FANCM: variants seen among roughly 807,000 people sequenced by gnomAD.
FANCM encodes the protein Fanconi anemia group M protein.
In FANCM, 140 loss-of-function variants were observed where a neutral mutation model predicts 199.5. The observed-to-expected ratio is 0.70, with a 90% confidence interval of 0.61 to 0.81. The LOEUF (loss-of-function observed/expected upper bound fraction) is 0.81, where lower values mean the gene tolerates loss of function less well. Among genes scored for constraint, FANCM ranks in the 30% least tolerant of loss-of-function variants. The pLI is 0.00. For synonymous variants in FANCM, 840 were observed against 836.8 expected (o/e 1.00, Z -0.07); for missense variants, 2,410 against 2,421.4 (o/e 1.00, Z 0.10).
chr14:45,165,470 C>T (rs1183541753), intron 10 of FANCM, among the ~76,000 whole-genome samples: 2 of 152,116 alleles, frequency 1.3e-5, no homozygotes, highest in Non-Finnish European at 2.9e-5. Flanking sequence ...ATCGCTTGAA[C>T]CTGGGAGGTA....
At chr14:45,158,009 C>T (rs894411813) in intron 8 of FANCM, among the ~76,000 whole-genome samples, 2 of 152,006 alleles carry the variant, frequency 1.3e-5, no homozygotes, top group African/African-American at 4.8e-5. Context: ...CCAGCCTTGG[C>T]AACATGGCAA....
intron 12 of FANCM, among the ~76,000 whole-genome samples, chr14:45,171,157 A>G (rs955965062): frequency 2.0e-5 from 3 of 148,956 alleles, no homozygotes; most frequent in Non-Finnish European, 4.4e-5. Flanking sequence ...TTTTTTTAAG[A>G]GATGAGGTCT....
At chr14:45,137,863 G>T (rs1331779413) in intron 2 of FANCM, 1 of 154,184 alleles carries the variant, frequency 6.5e-6, no homozygotes, top group Non-Finnish European at 1.4e-5. Flanking sequence ...GGCCATAGGG[G>T]ATAAAGGTGG....
intron 11 of FANCM, 53 bp downstream of exon 11, chr14:45,167,216 A>T (rs1165790961): frequency 1.0e-6 from 1 of 990,776 alleles, no homozygotes; most frequent in African/African-American, 1.6e-5. Flanking sequence ...CTTACTTAGC[A>T]GGTCGTATCT....
chr14:45,171,385 G>A (rs1438989756), intron 12 of FANCM, among the ~76,000 whole-genome samples: 4 of 151,782 alleles, frequency 2.6e-5, no homozygotes, highest in Non-Finnish European at 1.5e-5. Context: ...ACATGGATAA[G>A]TTCTTAGTGG....
At chr14:45,146,144 G>GGCA (rs201934065) in intron 3 of FANCM, among the ~76,000 whole-genome samples, 13,305 of 150,856 alleles carry the variant, frequency 0.088, 681 homozygotes, top group South Asian at 0.18. Flanking sequence ...GGGAGGCTGA[G>GGCA]GCAGGAGAAT....
intron 6 of FANCM, among the ~76,000 whole-genome samples, 181 bp from the exon 7 acceptor site, chr14:45,154,516 G>A (rs962351658): frequency 4.7e-4 from 71 of 151,838 alleles, no homozygotes; most frequent in African/African-American, 1.7e-3. Context: ...ATAAATTCCT[G>A]GAGAAAAGGA....
chr14:45,176,212 A>G lies in FANCM; in HGVS notation c.3458A>G (p.Asn1153Ser), dbSNP rs1400140293. ...EFDDVSLSPL[N>S]SKSESLPVSD... The stretch of plus-strand genomic sequence containing the variant: ...GACGATGTGAGTCTTTCACCCTTGA[A>G]CAGTAAAAGCGAATCTTTACCTGTG... The change falls in exon 14 of 23, where the codon AAC (asparagine) becomes AGC (serine). Residue 1153 changes from asparagine (N) to serine (S), a missense_variant. Physicochemically the swap from Asn to Ser is conservative, Grantham distance 46. Transcript: ENST00000267430. The G allele has an allele frequency of 1.2e-6, 2 of 1,614,006 alleles. No individual in the cohort carries two copies. The highest frequency in any genetic ancestry group is 2.7e-5 in the African/African-American group (2 of 74,936).
chr14:45,150,698 A>G (rs1162442057), intron 4 of FANCM, among the ~76,000 whole-genome samples: 1 of 152,212 alleles, frequency 6.6e-6, no homozygotes, highest in Non-Finnish European at 1.5e-5. Flanking sequence ...ACCTTATTTA[A>G]TAATGATCCC....
In FANCM at chr14:45,136,478, G is replaced by C; in HGVS notation, c.447G>C (p.Gln149His). 6.2e-7 allele frequency: 1 copy of C among 1,614,112 alleles called. No homozygotes were observed. The highest frequency in any genetic ancestry group is 8.5e-7 in the Non-Finnish European group (1 of 1,180,014). The stretch of plus-strand genomic sequence containing the variant: ...CCCCAACGAAACCCTTGGTGACACA[G>C]CAGATCGAGGCTTGCTACCAGGTGA... The part of the protein sequence containing the change: ...FMAPTKPLVT[Q>H]QIEACYQVMG... Residue 149 changes from glutamine (Q) to histidine (H), a missense_variant, in exon 1 of 23, where the codon CAG becomes CAC. By Grantham distance (24) the Gln-to-His change is conservative (BLOSUM62 0). Coordinates refer to ENST00000267430, the MANE Select transcript of FANCM (RefSeq NM_020937.4).
At chr14:45,154,408 A>G (rs1336032159) in intron 6 of FANCM, among the ~76,000 whole-genome samples, 1 of 151,974 alleles carries the variant, frequency 6.6e-6, no homozygotes, top group Non-Finnish European at 1.5e-5. Flanking sequence ...TAAAAAAAAA[A>G]AAAAAAAAGA....
intron 5 of FANCM, among the ~76,000 whole-genome samples, chr14:45,152,939 A>G (rs1440287624): frequency 3.3e-5 from 5 of 152,198 alleles, no homozygotes; most frequent in Non-Finnish European, 5.9e-5. Flanking sequence ...AGGAAATAGT[A>G]AATCTAAACC....
intron 5 of FANCM, among the ~76,000 whole-genome samples, chr14:45,152,303 A>G (rs142820201): frequency 1.7e-3 from 256 of 152,220 alleles, no homozygotes; most frequent in Middle Eastern, 6.8e-3. Flanking sequence ...GTGTAATCCC[A>G]AAGATTACAG....
At chr14:45,153,380 G>A (rs935158662) in intron 5 of FANCM, among the ~76,000 whole-genome samples, 1 of 152,140 alleles carries the variant, frequency 6.6e-6, no homozygotes, top group African/African-American at 2.4e-5. Flanking sequence ...ATAGTTTCTG[G>A]GGCTCAGTGT....
At chr14:45,188,201 T>C (rs1889527852) in intron 19 of FANCM, among the ~76,000 whole-genome samples, 1 of 152,124 alleles carries the variant, frequency 6.6e-6, no homozygotes, top group Non-Finnish European at 1.5e-5. Context: ...TAGCCAGGCA[T>C]GGTGGCACAT....
chr14:45,141,775 A>AC (rs1318542283), intron 3 of FANCM, among the ~76,000 whole-genome samples: 1 of 151,372 alleles, frequency 6.6e-6, no homozygotes, highest in Non-Finnish European at 1.5e-5. Context: ...TTTTTAGTAG[A>AC]CACGGGGTTT....
At chr14:45,156,319 G>A (rs978512244) in intron 8 of FANCM, among the ~76,000 whole-genome samples, 2 of 152,182 alleles carry the variant, frequency 1.3e-5, no homozygotes, top group African/African-American at 4.8e-5. Flanking sequence ...TGGTATAGAT[G>A]AGAGGTATGC....
rs751441742 is a variant in FANCM at position 45,176,341 on chromosome 14, G to A, written c.3587G>A (p.Arg1196His). ...NNSELQDQIT[R>H]DANSFKSRDQ... is the part of the protein sequence containing the mutation. ...TCTGAACTCCAAGATCAAATCACCC[G>A]TGATGCTAATAGTTTTAAATCTCGT... The change falls in exon 14 of 23, where the codon CGT becomes CAT. Residue 1196 changes from arginine (R) to histidine (H), a missense_variant. Physicochemically the swap from Arg to His is conservative, Grantham distance 29. Transcript: ENST00000267430. 38 of 1,613,576 alleles carry A rather than the reference G, an allele frequency of 2.4e-5. No homozygotes were observed. The highest frequency in any genetic ancestry group is 1.2e-4 in the South Asian group (11 of 91,078).
intron 14 of FANCM, among the ~76,000 whole-genome samples, chr14:45,179,961 A>G (rs188857609): frequency 2.1e-4 from 32 of 152,086 alleles, no homozygotes; most frequent in Admixed American, 1.2e-3. Context: ...CTCACCCACC[A>G]TTTCCTCAAT....
Sources: allele counts gnomAD v4.1 joint callset (sites outside exome capture counted in the v4.1 genomes callset), GRCh38; gene constraint gnomAD v4.1.1; transcripts MANE v1.5; gene names NCBI Gene and HGNC (gene_info 2026-07-23, HGNC 2026-07-21).